ZNF438: variants seen among roughly 807,000 people sequenced by gnomAD.
ZNF438 encodes zinc finger protein 438.
A neutral mutation model predicts 38.0 loss-of-function variants in ZNF438; 25 were observed. The ratio of observed to expected loss-of-function variants is 0.66; its 90% CI spans 0.48 to 0.92. The LOEUF is 0.92. Ranked by LOEUF, ZNF438 falls within the 40% of genes least tolerant of loss-of-function variation. The pLI is 0.00. For synonymous variants in ZNF438, 372 were observed against 364.1 expected, an observed-to-expected ratio of 1.02 and a Z score of -0.25; for missense variants, 1,007 against 999.6, an observed-to-expected ratio of 1.01 and a Z score of -0.10.
chr10:30,880,260 G>A (rs1352242928), intron 3 of ZNF438, among the ~76,000 whole-genome samples: 2 of 151,740 alleles, frequency 1.3e-5, no homozygotes, highest in African/African-American at 4.8e-5. Context: ...GAGAAACCCT[G>A]TCTCTACTAA....
chr10:30,890,945 C>T (rs1243701271), intron 3 of ZNF438, among the ~76,000 whole-genome samples: 2 of 152,304 alleles, frequency 1.3e-5, no homozygotes, highest in East Asian at 3.9e-4. Context: ...TGTGGGTACG[C>T]AATTCCAGGT....
chr10:30,849,154 A>AT lies in ZNF438; in HGVS notation c.1250dup (p.Asn417LysfsTer2). Reference sequence around the variant, plus strand: ...TTTGGTCTCTGAATTCTTGGGGATCATTTTTTACTCTTTCTTTACCATCTC... The same window carrying AT: ...TTTGGTCTCTGAATTCTTGGGGATCATTTTTTTACTCTTTCTTTACCATCTC... On this transcript the variant is annotated frameshift_variant, in exon 5 of 6. Coordinates refer to ENST00000413025, the Ensembl canonical transcript of ZNF438. LOFTEE classifies it high-confidence loss of function. 8 of 1,613,632 alleles carry AT rather than the reference A, an allele frequency of 5.0e-6. No individual in the cohort carries two copies. Among genetic ancestry groups the AT allele is most frequent in the East Asian group, 2.2e-5 (1 of 44,868 alleles).
chr10:31,029,486 T>C (rs564829316), intron 1 of ZNF438, among the ~76,000 whole-genome samples: 87 of 152,244 alleles, frequency 5.7e-4, no homozygotes, highest in African/African-American at 1.9e-3. Context: ...TTCTTCAAAT[T>C]CCACATCAGC....
chr10:30,987,314 T>G (rs2052932128), intron 1 of ZNF438, among the ~76,000 whole-genome samples: 1 of 127,638 alleles, frequency 7.8e-6, no homozygotes, highest in Admixed American at 8.3e-5. Context: ...AGTACACCCC[T>G]GTCTCAAAAA....
chr10:30,970,733 G>A (rs2050650427), intron 1 of ZNF438, among the ~76,000 whole-genome samples: 2 of 152,140 alleles, frequency 1.3e-5, no homozygotes, highest in South Asian at 4.1e-4. Context: ...ATGACCAAGG[G>A]CACAATGGAA....
exon 5 of ZNF438, chr10:30,850,122 C>A: frequency 6.2e-7 from 1 of 1,614,032 alleles, no homozygotes; most frequent in Non-Finnish European, 8.5e-7. Flanking sequence ...GGCAGAGCAA[C>A]AAGAGAAAAT....
At chr10:30,966,598 A>G (rs921940140) in intron 1 of ZNF438, among the ~76,000 whole-genome samples, 1 of 151,462 alleles carries the variant, frequency 6.6e-6, no homozygotes, top group Non-Finnish European at 1.5e-5. Flanking sequence ...TGAACCTGGG[A>G]AGTGGAGTTT....
intron 1 of ZNF438, among the ~76,000 whole-genome samples, chr10:30,955,556 T>C (rs2048770390): frequency 6.6e-6 from 1 of 152,228 alleles, no homozygotes. Flanking sequence ...AGAAAGGTCA[T>C]GTAGACTTAG....
At chr10:31,009,842 CTTTTT>C (rs34508005) in intron 1 of ZNF438, among the ~76,000 whole-genome samples, 1 of 116,294 alleles carries the variant, frequency 8.6e-6, no homozygotes, top group African/African-American at 3.2e-5. Context: ...CTTATCAATT[CTTTTT>C]TTTTTTTTTT....
At chr10:30,958,637 G>A (rs77417494) in intron 1 of ZNF438, among the ~76,000 whole-genome samples, 13,468 of 146,618 alleles carry the variant, frequency 0.092, 2,208 homozygotes, top group Non-Finnish European at 0.13. Context: ...TAGAGGACCA[G>A]AATGTACTAA....
intron 1 of ZNF438, among the ~76,000 whole-genome samples, chr10:30,980,433 G>GATAATCCAAAAATCTGAAATCCA (rs2051994000): frequency 6.6e-6 from 1 of 152,108 alleles, no homozygotes; most frequent in African/African-American, 2.4e-5. Context: ...GATACATTTT[G>GATAATCCAAAAATCTGAAATCCA]AAAGGCAGGC....
At chr10:30,867,112 G>C (rs1485941635) in intron 4 of ZNF438, among the ~76,000 whole-genome samples, 3 of 152,080 alleles carry the variant, frequency 2.0e-5, no homozygotes, top group Non-Finnish European at 4.4e-5. Context: ...TAGTATCAAA[G>C]AAAAATATCC....
At chr10:30,877,873 A>G (rs2038672355) in intron 3 of ZNF438, among the ~76,000 whole-genome samples, 1 of 152,222 alleles carries the variant, frequency 6.6e-6, no homozygotes, top group South Asian at 2.1e-4. Context: ...AGACTGATGA[A>G]TTTTTCTATT....
intron 1 of ZNF438, among the ~76,000 whole-genome samples, chr10:30,969,433 C>A (rs2050503096): frequency 6.6e-6 from 1 of 151,796 alleles, no homozygotes; most frequent in African/African-American, 2.4e-5. Context: ...TTCTTGAACA[C>A]TGAATAACAA....
chr10:30,872,425 CAAAAAAAAAAAAAAAAAA>C lies in ZNF438; in HGVS notation c.37+4555_37+4572del, dbSNP rs566401687. Among the ~76,000 whole-genome samples the C allele has an allele frequency of 2.9e-3, 173 of 58,660 alleles. 2 individuals carry two copies. Among genetic ancestry groups the C allele is most frequent in the East Asian group, 0.011 (18 of 1,596 alleles). The allele number at this position is 58,660 out of a possible 152,430, so 38.5% of individuals were successfully genotyped here. ...TGGGTGACAGAACAAGACTCTGTCT[CAAAAAAAAAAAAAAAAAA>C]AAAAAAAAAAAAAAAAAAAAAAAGA... On this transcript the variant is annotated intron_variant, in intron 4 of 5. Coordinates refer to ENST00000413025, the Ensembl canonical transcript of ZNF438.
chr10:30,964,734 T>C (rs1246942964), intron 1 of ZNF438, among the ~76,000 whole-genome samples: 1 of 152,174 alleles, frequency 6.6e-6, no homozygotes, highest in East Asian at 1.9e-4. Context: ...GTGAGGAAAT[T>C]AACTGTTCAA....
At chr10:30,957,882 A>C (rs999847519) in intron 1 of ZNF438, among the ~76,000 whole-genome samples, 2 of 117,634 alleles carry the variant, frequency 1.7e-5, no homozygotes, top group African/African-American at 5.2e-5. Flanking sequence ...TTTGTGACTC[A>C]TTATTGCTGT....
chr10:30,984,474 TTCA>T (rs1294554806), intron 1 of ZNF438, 48 bp from the exon 2 acceptor site: 1 of 152,192 alleles, frequency 6.6e-6, no homozygotes, highest in Admixed American at 6.5e-5. Context: ...ATAATCCATT[TTCA>T]TCAAATATAT....
chr10:30,883,982 A>C (rs1462928749), intron 3 of ZNF438, among the ~76,000 whole-genome samples: 1 of 152,136 alleles, frequency 6.6e-6, no homozygotes, highest in Non-Finnish European at 1.5e-5. Flanking sequence ...AAAAGTATGC[A>C]TCTCTCAGCG....
Sources: allele counts gnomAD v4.1 joint callset (sites outside exome capture counted in the v4.1 genomes callset), GRCh38; gene constraint gnomAD v4.1.1; transcripts MANE v1.5; gene names NCBI Gene and HGNC (gene_info 2026-07-23, HGNC 2026-07-21).